The following MIER2 variants were observed in gnomAD, a reference collection of about 807,000 sequenced individuals.
MIER2 encodes MIER family member 2.
A neutral mutation model predicts 67.6 loss-of-function variants in MIER2; 30 were observed. The observed-to-expected ratio is 0.44, with a 90% CI of 0.33 to 0.60. The LOEUF (loss-of-function observed/expected upper bound fraction) is 0.60. MIER2 is among the 20% of genes least tolerant of loss of function. MIER2 has a pLI of 0.02. For synonymous variants in MIER2, 372 were observed against 312.6 expected, an observed-to-expected ratio of 1.19 and a Z score of -2.00; for missense variants, 702 against 745.1, an observed-to-expected ratio of 0.94 and a Z score of 0.67.
Position 308,163 on chromosome 19 carries a change from T to C in MIER2, c.1198+414A>G, listed in dbSNP as rs1210402351. Among the ~76,000 whole-genome samples, 2 of 152,176 alleles carry C rather than the reference T, an allele frequency of 1.3e-5. No homozygotes were observed. On this transcript the variant is annotated intron_variant, in intron 12 of 13. Coordinates refer to ENST00000264819, the MANE Select transcript of MIER2 (RefSeq NM_017550.3). This position sits in a 1 kb window ranked among gnomAD's most constrained non-coding sequence, Gnocchi z 9.1. ...ACATGGTCCCTACCCGAGGCCCTGC[T>C]GTGCTCCGTCATGGCCTCAGGTGCA...
chr19:325,331 T>C (rs1375065622), intron 7 of MIER2, among the ~76,000 whole-genome samples: 1 of 151,928 alleles, frequency 6.6e-6, no homozygotes, highest in African/African-American at 2.4e-5. Flanking sequence ...GCCCAGGCTG[T>C]GGGGAGGCGG....
Position 307,478 on chromosome 19 carries a change from A to G in MIER2, c.1257T>C (p.Asp419=), listed in dbSNP as rs1568213200. 6.5e-7 allele frequency: 1 copy of G among 1,548,824 alleles called. No individual in the cohort carries two copies. The highest frequency in any genetic ancestry group is 8.7e-7 in the Non-Finnish European group (1 of 1,150,750). ...GCCCTGGCTCCGAGGACGGGAGTCC[A>G]TCAGAGGCCACTCCGGGCTCATCGA... The part of the protein sequence containing the change: ...GGLDEPGVAS[D]GLPSSEPGPC... Residue 419 remains aspartate (D), a synonymous_variant, in exon 13 of 14, where the codon GAT becomes GAC. Transcript: ENST00000264819.
chr19:338,825 T>C (rs982312083), intron 1 of MIER2, among the ~76,000 whole-genome samples: 28 of 152,252 alleles, frequency 1.8e-4, no homozygotes, highest in African/African-American at 6.3e-4. Flanking sequence ...CTTTAACAAA[T>C]GGTACTGGGA....
At chr19:314,191 G>A (rs1287432072) in intron 7 of MIER2, among the ~76,000 whole-genome samples, 1 of 152,228 alleles carries the variant, frequency 6.6e-6, no homozygotes, top group African/African-American at 2.4e-5. Context: ...TCTAACCCTG[G>A]GAGCTGAAGA....
At chr19:319,137 G>C (rs1971388876) in intron 7 of MIER2, among the ~76,000 whole-genome samples, 1 of 151,402 alleles carries the variant, frequency 6.6e-6, no homozygotes, top group Non-Finnish European at 1.5e-5. Flanking sequence ...CAAGGTGGGT[G>C]GATCACCTGA....
chr19:313,159 C>T (rs1339422148), intron 8 of MIER2, among the ~76,000 whole-genome samples: 2 of 144,050 alleles, frequency 1.4e-5, no homozygotes, highest in Non-Finnish European at 3.1e-5. Context: ...GTCAGAGCCA[C>T]CTACACCTCT....
chr19:334,094 G>C, intron 3 of MIER2: 1 of 251,572 alleles, frequency 4.0e-6, no homozygotes. Flanking sequence ...CAAAGTGCTG[G>C]GATTACAAGC....
chr19:325,552 A>C (rs1349884535), intron 7 of MIER2, 83 bp downstream of exon 7: 1 of 1,514,770 alleles, frequency 6.6e-7, no homozygotes, highest in Non-Finnish European at 9.2e-7. Flanking sequence ...GGACCTGACC[A>C]GACTGTCCAA....
At chr19:343,692 C>T in intron 1 of MIER2, 1 of 400,590 alleles carries the variant, frequency 2.5e-6, no homozygotes, top group Non-Finnish European at 3.4e-6. Context: ...CCTTTGGGCT[C>T]TATCCCAGAG....
rs1029493154 is a variant in MIER2 at position 308,204 on chromosome 19, C to G, written c.1198+373G>C. On this transcript the variant is annotated intron_variant, in intron 12 of 13. Transcript: ENST00000264819. The surrounding 1 kb of genome is among the most constrained non-coding windows in gnomAD (Gnocchi z 9.1). ...CTCAGGTGCAAGATCCTGGCGACGG[C>G]TCCGGACACCCTGTCCTTCCTGAGT... 7.9e-5 allele frequency among the ~76,000 whole-genome samples: 12 copies of G among 152,194 alleles called. No individual in the cohort carries two copies. The highest frequency in any genetic ancestry group is 2.4e-4 in the African/African-American group (10 of 41,448).
intron 7 of MIER2, 63 bp downstream of exon 7, chr19:325,572 G>C: frequency 1.9e-6 from 3 of 1,584,270 alleles, no homozygotes; most frequent in Non-Finnish European, 2.6e-6. Flanking sequence ...AGGATCTGAC[G>C]TCCAGCCAGG....
At chr19:344,353 T>G (rs1035343512) in intron 1 of MIER2, 89 of 984,340 alleles carry the variant, frequency 9.0e-5, no homozygotes, top group Non-Finnish European at 1.1e-4. Context: ...GCCCCAGCAC[T>G]CGGCAAAGTT....
chr19:307,338 G>A lies in MIER2; in HGVS notation c.1397C>T (p.Ala466Val), dbSNP rs747646820. ...QPAVTAPEPDASPRLAVDFAL... is the reference protein window; with the variant it reads ...QPAVTAPEPDVSPRLAVDFAL... The stretch of plus-strand genomic sequence containing the variant: ...GAAGTCCACGGCCAGCCTTGGGCTG[G>A]CGTCTGGCTCCGGAGCAGTGACAGC... The change falls in exon 13 of 14, where the codon GCC becomes GTC. Residue 466 changes from alanine to valine, a missense_variant. Ala to Val is a moderately conservative substitution (Grantham distance 64). This residue lies in a region of MIER2 where 254 missense variants were observed against 262.8 expected (regional missense o/e 0.97). Coordinates refer to ENST00000264819, the MANE Select transcript of MIER2 (RefSeq NM_017550.3). 1.9e-6 allele frequency: 3 copies of A among 1,603,718 alleles called. No individual in the cohort carries two copies. Among genetic ancestry groups the A allele is most frequent in the Middle Eastern group, 3.3e-4 (2 of 6,048 alleles).
At chr19:335,959 G>C in intron 2 of MIER2, 124 bp downstream of exon 2, 1 of 886,312 alleles carries the variant, frequency 1.1e-6, no homozygotes, top group South Asian at 1.6e-5. Context: ...TGGGAGCTGG[G>C]ACACCCTGGA....
At position 307,510 on chromosome 19, in the gene MIER2, C is replaced by A; in HGVS notation, c.1225G>T (p.Gly409Cys). 1 of 1,514,608 alleles carries A rather than the reference C, an allele frequency of 6.6e-7. No individual in the cohort carries two copies. 93.8% of individuals were successfully genotyped at this position (1,514,608 alleles called of 1,614,324 possible). A position where few individuals can be genotyped will look rare whatever the true frequency, so the allele number is the denominator to read the frequency against. The part of the protein sequence containing the change: ...TDPLSVDGTA[G>C]GLDEPGVASD... Reference sequence around the variant, plus strand: ...GCCACTCCGGGCTCATCGAGACCACCGGCCGTGCCATCCACGCTCAGTGGA... The same window carrying A: ...GCCACTCCGGGCTCATCGAGACCACAGGCCGTGCCATCCACGCTCAGTGGA... Residue 409 changes from glycine to cysteine, a missense_variant, in exon 13 of 14, where the codon GGT (glycine) becomes TGT (cysteine). Physicochemically the swap from Gly to Cys is radical, Grantham distance 159. Around this residue, in one of 3 missense-constraint regions of MIER2, gnomAD observed 254 missense variants for 262.8 expected, o/e 0.97. Transcript: ENST00000264819.
rs891018311 is a variant in MIER2 at position 308,551 on chromosome 19, G to A, written c.1198+26C>T. ...GCTCCAGACCCGTGGCCGCCCCCAG[G>A]GCAGGAGATACTCCCCAAGCCTCAC... On this transcript the variant is annotated intron_variant, in intron 12 of 13. Coordinates refer to ENST00000264819, the MANE Select transcript of MIER2 (RefSeq NM_017550.3). This position sits in a 1 kb window ranked among gnomAD's most constrained non-coding sequence, Gnocchi z 9.1. 23 of 1,569,738 alleles carry A rather than the reference G, an allele frequency of 1.5e-5. No individual in the cohort carries two copies. The highest frequency in any genetic ancestry group is 1.8e-5 in the Non-Finnish European group (21 of 1,158,802).
chr19:343,933 G>C (rs930578875), intron 1 of MIER2: 1 of 985,316 alleles, frequency 1.0e-6, no homozygotes, highest in African/African-American at 1.7e-5. Context: ...GGTTTGACCT[G>C]ACACGAAGCT....
At chr19:311,506 G>A (rs1016869039) in intron 10 of MIER2, among the ~76,000 whole-genome samples, 1 of 152,216 alleles carries the variant, frequency 6.6e-6, no homozygotes, top group Non-Finnish European at 1.5e-5. Flanking sequence ...TGGGGCCAAT[G>A]CTGGACACTG....
chr19:313,408 G>A (rs1437781154), intron 8 of MIER2, 84 bp downstream of exon 8: 4 of 1,550,016 alleles, frequency 2.6e-6, no homozygotes, highest in Non-Finnish European at 3.5e-6. Flanking sequence ...TGCCCTCCCT[G>A]GCCCCTGGAG....
Sources: allele counts gnomAD v4.1 joint callset (sites outside exome capture counted in the v4.1 genomes callset), GRCh38; gene constraint gnomAD v4.1.1; regional missense constraint gnomAD v4.1.1; non-coding constraint Gnocchi (gnomAD v3.1); transcripts MANE v1.5; gene names NCBI Gene and HGNC (gene_info 2026-07-23, HGNC 2026-07-21).